Variants in ZNF215 observed in about 807,000 individuals in gnomAD.
ZNF215 encodes zinc finger protein 215.
Under a neutral mutation model 27.2 loss-of-function variants are expected in ZNF215, and 24 were observed. The ratio of observed to expected loss-of-function variants is 0.88; its 90% CI spans 0.64 to 1.24. The LOEUF (loss-of-function observed/expected upper bound fraction) is 1.24, where lower values mean the gene tolerates loss of function less well. Ranked by LOEUF, ZNF215 falls within the 50% of genes most tolerant of loss-of-function variation. The pLI is 0.00. For missense variants in ZNF215, 675 were observed against 605.7 expected, an observed-to-expected ratio of 1.11 and a Z score of -1.20; for synonymous variants, 210 against 204.0, an observed-to-expected ratio of 1.03 and a Z score of -0.25.
chr11:6,987,813 A>T (rs1372250811), downstream of ZNF215, among the ~76,000 whole-genome samples: 1 of 152,160 alleles, frequency 6.6e-6, no homozygotes, highest in Non-Finnish European at 1.5e-5. Flanking sequence ...TCTTCTTTCA[A>T]ATTGCACCCC....
At chr11:6,988,803 TAACC>T (rs1851087643), downstream of ZNF215, 1 of 152,142 alleles carries the variant, frequency 6.6e-6, no homozygotes, top group South Asian at 2.1e-4. Flanking sequence ...ACACTCAAAA[TAACC>T]AAATAAATAT....
At chr11:6,990,154 CT>C (rs754827683), downstream of ZNF215, among the ~76,000 whole-genome samples, 1 of 152,160 alleles carries the variant, frequency 6.6e-6, no homozygotes, top group African/African-American at 2.4e-5. Flanking sequence ...TGTAATTAAG[CT>C]TTTTCTATTT....
chr11:6,956,620 A>C lies in ZNF215; in HGVS notation c.*89A>C. On this transcript the variant is annotated 3_prime_UTR_variant, in exon 7 of 7. Coordinates refer to ENST00000278319, the MANE Select transcript of ZNF215 (RefSeq NM_013250.4). ...ATGCTGGATAAAATCTCATGAATAT[A>C]ATGTAAGAAAACATTTGTCAGATTT... 6.9e-7 allele frequency: 1 copy of C among 1,439,580 alleles called. No homozygotes were observed. The highest frequency in any genetic ancestry group is 9.1e-7 in the Non-Finnish European group (1 of 1,102,704). The allele number at this position is 1,439,580 out of a possible 1,614,324, so 89.2% of individuals were successfully genotyped here.
chr11:6,977,120 C>A (rs1487919199), intron 5 of ZNF215, among the ~76,000 whole-genome samples: 1 of 152,002 alleles, frequency 6.6e-6, no homozygotes, highest in Non-Finnish European at 1.5e-5. Flanking sequence ...GTCCTAATTC[C>A]AAATACCTCA....
At chr11:6,946,226 C>T (rs984251666) in intron 6 of ZNF215, among the ~76,000 whole-genome samples, 20 of 152,102 alleles carry the variant, frequency 1.3e-4, no homozygotes, top group African/African-American at 4.8e-4. Context: ...TTATTATTGC[C>T]GCAACTCCAA....
intron 5 of ZNF215, among the ~76,000 whole-genome samples, chr11:6,963,459 C>T (rs1564970776): frequency 6.6e-6 from 1 of 151,908 alleles, no homozygotes; most frequent in African/African-American, 2.4e-5. Flanking sequence ...ATATATGAAC[C>T]ATCTGAGTTC....
At chr11:6,934,374 G>A (rs1025304179) in intron 3 of ZNF215, among the ~76,000 whole-genome samples, 4 of 152,144 alleles carry the variant, frequency 2.6e-5, no homozygotes, top group African/African-American at 9.7e-5. Context: ...CTTATTTGTA[G>A]TGAGTTATAT....
Position 6,941,589 on chromosome 11 carries a change from C to A in ZNF215, c.419C>A (p.Ser140Tyr). ...TCCTCAGATATGCCCTGCAAGGACTCTGCCCTGCAGATGGGGAGCATCAAG... is the reference window on the plus strand; with the variant it reads ...TCCTCAGATATGCCCTGCAAGGACTATGCCCTGCAGATGGGGAGCATCAAG... ...LEDEDMPCKD[S>Y]ALQMGSIKEK... The change falls in exon 4 of 7, where the codon TCT (serine) becomes TAT (tyrosine). Residue 140 changes from serine (S) to tyrosine (Y), a missense_variant. Transcript: ENST00000278319. 8 of 1,614,050 alleles carry A rather than the reference C, an allele frequency of 5.0e-6. No individual in the cohort carries two copies. The highest frequency in any genetic ancestry group is 6.8e-6 in the Non-Finnish European group (8 of 1,179,928).
chr11:6,948,065 G>C (rs1337620572), intron 6 of ZNF215, among the ~76,000 whole-genome samples: 1 of 152,144 alleles, frequency 6.6e-6, no homozygotes, highest in Non-Finnish European at 1.5e-5. Context: ...ACATTCTGTT[G>C]GCTTAGCAAT....
At chr11:6,945,174 T>A (rs572928705) in intron 6 of ZNF215, among the ~76,000 whole-genome samples, 9 of 152,296 alleles carry the variant, frequency 5.9e-5, no homozygotes, top group Non-Finnish European at 1.3e-4. Flanking sequence ...CTTACCCGAA[T>A]TCTTTATTAA....
At chr11:6,976,856 G>T (rs1379100464) in intron 5 of ZNF215, among the ~76,000 whole-genome samples, 1 of 152,024 alleles carries the variant, frequency 6.6e-6, no homozygotes, top group Non-Finnish European at 1.5e-5. Context: ...AAACTTAATG[G>T]CTTAAAACAA....
intron 3 of ZNF215, among the ~76,000 whole-genome samples, chr11:6,939,772 G>C (rs1287106947): frequency 6.6e-6 from 1 of 152,244 alleles, no homozygotes; most frequent in Middle Eastern, 3.4e-3. Context: ...CATTCAGAGA[G>C]AGCAATAAAT....
intron 5 of ZNF215, 62 bp downstream of exon 5, chr11:6,943,277 A>G (rs1412414267): frequency 1.3e-6 from 2 of 1,552,450 alleles, no homozygotes; most frequent in Non-Finnish European, 1.7e-6. Flanking sequence ...GTTAAAAGCT[A>G]TAGGACTGCT....
intron 2 of ZNF215, among the ~76,000 whole-genome samples, chr11:6,929,051 C>T (rs1849162662): frequency 6.6e-6 from 1 of 152,106 alleles, no homozygotes; most frequent in African/African-American, 2.4e-5. Context: ...TGTTTCAGGG[C>T]AACTGGAAGC....
At position 6,956,399 on chromosome 11, in the gene ZNF215, C is replaced by G. The variant is rs1157687970; in HGVS notation, c.1422C>G (p.Ser474Arg). The G allele has an allele frequency of 1.9e-6, 3 of 1,614,032 alleles. No individual in the cohort carries two copies. The highest frequency in any genetic ancestry group is 2.5e-6 in the Non-Finnish European group (3 of 1,180,026). ...CVNCGKSFNR[S>R]SSLIRHQMIH... is the part of the protein sequence containing the mutation. ...ACTGTGGAAAATCCTTCAACCGGAG[C>G]TCCTCTCTTATTCGACACCAAATGA... Residue 474 changes from serine (S) to arginine (R), a missense_variant, in exon 7 of 7, where the codon AGC becomes AGG. Ser to Arg is a moderately radical substitution (Grantham distance 110, BLOSUM62 -1). Transcript: ENST00000278319.
downstream of ZNF215, among the ~76,000 whole-genome samples, chr11:6,992,834 C>T (rs1048857782): frequency 2.1e-4 from 31 of 150,992 alleles, no homozygotes; most frequent in African/African-American, 7.2e-4. Context: ...AGGAGAGCTA[C>T]GGTAATACTA....
chr11:6,961,900 A>G (rs963150602), downstream of ZNF215, among the ~76,000 whole-genome samples: 5 of 152,148 alleles, frequency 3.3e-5, no homozygotes, highest in Admixed American at 3.3e-4. Flanking sequence ...CTCAAATGCC[A>G]ATGTTTCCCC....
chr11:6,949,484 T>C (rs1590062728), intron 6 of ZNF215, among the ~76,000 whole-genome samples: 1 of 152,212 alleles, frequency 6.6e-6, no homozygotes, highest in Non-Finnish European at 1.5e-5. Flanking sequence ...TTGAGTTGCA[T>C]TTCTCTGATG....
At chr11:6,992,019 A>G (rs139585639), downstream of ZNF215, among the ~76,000 whole-genome samples, 10 of 152,288 alleles carry the variant, frequency 6.6e-5, no homozygotes, top group East Asian at 1.9e-3. Context: ...CAGAAGTGAT[A>G]GTTTGCACTG....
Sources: gnomAD v4.1 joint callset for allele counts (sites outside exome capture counted in the v4.1 genomes callset) on GRCh38, gnomAD v4.1.1 for gene constraint, MANE v1.5 for transcripts, NCBI Gene and HGNC (gene_info 2026-07-23, HGNC 2026-07-21) for gene names.